The following CR2 variants were observed in gnomAD, a reference collection of about 807,000 sequenced individuals.
The protein encoded by CR2 is complement C3d receptor 2.
A neutral mutation model predicts 123.0 loss-of-function variants in CR2; 96 were observed. The ratio of observed to expected loss-of-function variants is 0.78; its 90% CI spans 0.66 to 0.93. CR2 has a LOEUF of 0.93. Among genes scored for constraint, CR2 ranks in the 40% least tolerant of loss-of-function variants. CR2 has a pLI of 0.00. For missense variants in CR2, 1,258 were observed against 1,361.0 expected, an observed-to-expected ratio of 0.92 and a Z score of 1.19; for synonymous variants, 484 against 469.5, an observed-to-expected ratio of 1.03 and a Z score of -0.40.
At position 207,485,159 on chromosome 1, in the gene CR2, G is replaced by A. The variant is rs540842034; in HGVS notation, c.3189-305G>A. Among the ~76,000 whole-genome samples, 13 of 152,302 alleles carry A rather than the reference G, an allele frequency of 8.5e-5. No individual in the cohort carries two copies. In the South Asian group the frequency reaches 2.5e-3, roughly 29 times the overall value. On this transcript the variant is annotated intron_variant, in intron 18 of 19. Transcript: ENST00000367057. ...CAATGAGAACATGTGGGCACAGGGA[G>A]GGAAACATCATACACTGGGACCTTT... is the stretch of plus-strand genomic sequence containing the variant.
At chr1:207,486,163 G>A (rs777289793) in intron 19 of CR2, among the ~76,000 whole-genome samples, 24 of 149,894 alleles carry the variant, frequency 1.6e-4, no homozygotes, top group South Asian at 4.2e-4. Flanking sequence ...CCTAGGAGGC[G>A]GAGGTTGCAG....
intron 7 of CR2, 24 bp downstream of exon 7, chr1:207,470,940 T>C (rs768417104): frequency 1.1e-5 from 18 of 1,613,670 alleles, no homozygotes; most frequent in Non-Finnish European, 1.5e-5. Context: ...AATGTAGACA[T>C]TTTGTTAACT....
chr1:207,476,473 TATATTC>T, intron 15 of CR2, 54 bp downstream of exon 15: 1 of 1,506,780 alleles, frequency 6.6e-7, no homozygotes, highest in East Asian at 2.4e-5. Flanking sequence ...GCCAAATAGA[TATATTC>T]AGTTGGGTAC....
intron 18 of CR2, 130 bp downstream of exon 18, chr1:207,480,183 C>T (rs951179657): frequency 1.2e-5 from 9 of 735,494 alleles, no homozygotes; most frequent in East Asian, 8.0e-5. Context: ...TGAAGTATCT[C>T]GTGCTATACA....
At chr1:207,477,431 A>G (rs1457641825) in intron 15 of CR2, among the ~76,000 whole-genome samples, 1 of 152,142 alleles carries the variant, frequency 6.6e-6, no homozygotes, top group African/African-American at 2.4e-5. Context: ...TCAACATGAG[A>G]TTTGAGTGGG....
intron 1 of CR2, among the ~76,000 whole-genome samples, chr1:207,459,065 G>A (rs985731476): frequency 6.6e-6 from 1 of 152,132 alleles, no homozygotes; most frequent in Non-Finnish European, 1.5e-5. Flanking sequence ...GAAGACAAAG[G>A]TTTTTAAAGG....
Position 207,454,977 on chromosome 1 carries a change from T to C in CR2, c.58+501T>C, listed in dbSNP as rs1023326013. 1.9e-5 allele frequency: 3 copies of C among 155,230 alleles called. No homozygotes were observed. Among genetic ancestry groups the C allele is most frequent in the Admixed American group, 1.9e-4 (3 of 15,786 alleles). The allele number at this position is 155,230 out of a possible 1,614,324, so 9.6% of individuals were successfully genotyped here. ...AAGAGTAAGACCTGGTTCCCAAGCA[T>C]GGGTCTCAGATTTTCTGAACTCTAA... On this transcript the variant is annotated intron_variant, in intron 1 of 19. Transcript: ENST00000367057. The surrounding 1 kb of genome is among the most constrained non-coding windows in gnomAD (Gnocchi z 4.3).
chr1:207,473,893 T>G lies in CR2; in HGVS notation c.2240+8T>G, dbSNP rs1658360080. 1.2e-6 allele frequency: 2 copies of G among 1,612,702 alleles called. No homozygotes were observed. Among genetic ancestry groups the G allele is most frequent in the Non-Finnish European group, 1.7e-6 (2 of 1,178,996 alleles). The stretch of plus-strand genomic sequence containing the variant: ...TACGTCCTGCCAAGATGGGTGAGTA[T>G]GAAGTGGTCTATTCTGAGAAAAGGT... On this transcript the variant is annotated splice_region_variant and intron_variant, in intron 12 of 19. Transcript: ENST00000367057.
At chr1:207,478,219 C>A in intron 16 of CR2, 149 bp downstream of exon 16, 1 of 903,732 alleles carries the variant, frequency 1.1e-6, no homozygotes, top group Non-Finnish European at 1.7e-6. Flanking sequence ...AGTCAGTGGT[C>A]TATTCTAGAA....
Position 207,485,537 on chromosome 1 carries a change from T to C in CR2, c.3262T>C (p.Tyr1088His), listed in dbSNP as rs1317484909. Reference protein sequence around the residue: ...EAREVYSVDPYNPAS With the variant: ...EAREVYSVDPHNPAS ...ACGAGAAGTATATTCTGTTGATCCA[T>C]ACAACCCAGCCAGCTGATCAGAAGA... The change falls in exon 19 of 20, where the codon TAC (tyrosine) becomes CAC (histidine). Residue 1088 changes from tyrosine (Y) to histidine (H), a missense_variant. Coordinates refer to ENST00000367057, the MANE Select transcript of CR2 (RefSeq NM_001006658.3). 2 of 1,611,474 alleles carry C rather than the reference T, an allele frequency of 1.2e-6. No homozygotes were observed. The highest frequency in any genetic ancestry group is 1.7e-6 in the Non-Finnish European group (2 of 1,177,584).
chr1:207,474,050 G>A (rs189570592), intron 12 of CR2, among the ~76,000 whole-genome samples, 165 bp downstream of exon 12: 19 of 152,236 alleles, frequency 1.2e-4, no homozygotes, highest in South Asian at 8.3e-4. Flanking sequence ...CTCTTCAGTC[G>A]TCTCTTGACA....
intron 18 of CR2, among the ~76,000 whole-genome samples, chr1:207,484,245 A>T (rs894863232): frequency 6.6e-6 from 1 of 152,252 alleles, no homozygotes; most frequent in African/African-American, 2.4e-5. Flanking sequence ...GTTTATTAAT[A>T]TGATTATATC....
intron 2 of CR2, among the ~76,000 whole-genome samples, chr1:207,467,744 T>A (rs1336050861): frequency 6.6e-6 from 1 of 152,224 alleles, no homozygotes; most frequent in African/African-American, 2.4e-5. Flanking sequence ...CAATGGCTGC[T>A]GAAAACAGTT....
chr1:207,483,879 G>A (rs529610470), intron 18 of CR2, among the ~76,000 whole-genome samples: 1 of 152,242 alleles, frequency 6.6e-6, no homozygotes, highest in East Asian at 1.9e-4. Context: ...AAAAAGAACA[G>A]AACAGATAAA....
intron 1 of CR2, among the ~76,000 whole-genome samples, chr1:207,464,853 A>G (rs1331588077): frequency 6.6e-6 from 1 of 152,080 alleles, no homozygotes; most frequent in East Asian, 1.9e-4. Context: ...GTACCTATGG[A>G]AAGAGCAGAA....
At position 207,470,992 on chromosome 1, in the gene CR2, C is replaced by T. The variant is rs1658260888; in HGVS notation, c.1403-5C>T. On this transcript the variant is annotated splice_polypyrimidine_tract_variant and splice_region_variant and intron_variant, in intron 7 of 19. Transcript: ENST00000367057. ...TTAAATTCTCATCCTAGTCTCTTTT[C>T]TTAGTGGCAGCGTGTGAAGCTACAG... 4 of 1,613,788 alleles carry T rather than the reference C, an allele frequency of 2.5e-6. No homozygotes were observed. Among genetic ancestry groups the T allele is most frequent in the Non-Finnish European group, 3.4e-6 (4 of 1,179,828 alleles).
intron 16 of CR2, 76 bp downstream of exon 16, chr1:207,478,146 A>C: frequency 6.8e-7 from 1 of 1,465,714 alleles, no homozygotes; most frequent in Non-Finnish European, 9.4e-7. Context: ...CTCAGCGTGG[A>C]GAGTCCTGGG....
In CR2 at chr1:207,465,283, G is replaced by A. The variant is rs187668500; in HGVS notation, c.59-1243G>A. 2.6e-3 allele frequency among the ~76,000 whole-genome samples: 403 copies of A among 152,286 alleles called. 5 individuals carry two copies. Among genetic ancestry groups the A allele is most frequent in the Middle Eastern group, 3.4e-3 (1 of 294 alleles). On this transcript the variant is annotated intron_variant, in intron 1 of 19. Coordinates refer to ENST00000367057, the MANE Select transcript of CR2 (RefSeq NM_001006658.3). ...AAAGTAATATCTAAATGTTGCAGATGTAGGACTTTTTCTTCTTTTGTATTT... is the reference window on the plus strand; with the variant it reads ...AAAGTAATATCTAAATGTTGCAGATATAGGACTTTTTCTTCTTTTGTATTT...
In CR2 at chr1:207,470,092, C is replaced by G. The variant is rs1287646333; in HGVS notation, c.1215C>G (p.Val405=). ...AQGTWEPSAP[V]CEKECQAPPN... Reference sequence around the variant, plus strand: ...GCACATGGGAGCCATCTGCACCAGTCTGTGAAAAGGGTGAGTGTTCCGGTA... The same window carrying G: ...GCACATGGGAGCCATCTGCACCAGTGTGTGAAAAGGGTGAGTGTTCCGGTA... The change falls in exon 6 of 20, where the codon GTC becomes GTG. Residue 405 remains valine (V), a synonymous_variant. Coordinates refer to ENST00000367057, the MANE Select transcript of CR2 (RefSeq NM_001006658.3). 2 of 1,613,630 alleles carry G rather than the reference C, an allele frequency of 1.2e-6. No individual in the cohort carries two copies. Among genetic ancestry groups the G allele is most frequent in the Non-Finnish European group, 1.7e-6 (2 of 1,179,856 alleles).
Sources: gnomAD v4.1 joint callset for allele counts (sites outside exome capture counted in the v4.1 genomes callset) on GRCh38, gnomAD v4.1.1 for gene constraint, Gnocchi (gnomAD v3.1) non-coding constraint, MANE v1.5 for transcripts, NCBI Gene and HGNC (gene_info 2026-07-23, HGNC 2026-07-21) for gene names.